The following RAB6B variants were observed in gnomAD, a reference collection of about 807,000 sequenced individuals.
RAB6B encodes the protein ras-related protein Rab-6B.
Under a neutral mutation model 31.2 loss-of-function variants are expected in RAB6B, and 7 were observed. The ratio of observed to expected loss-of-function variants is 0.22; its 90% CI spans 0.13 to 0.42. RAB6B has a LOEUF of 0.42. Among genes scored for constraint, RAB6B ranks in the 10% least tolerant of loss-of-function variants. The probability of loss-of-function intolerance (pLI) is 1.00; values close to 1 mark genes in which losing one functional copy is unlikely to be tolerated. For missense variants in RAB6B, 149 were observed against 280.6 expected (o/e 0.53, Z 3.35); for synonymous variants, 105 against 104.9 (o/e 1.00, Z -0.01).
chr3:133,876,826 A>C (rs1936403703), intron 1 of RAB6B, among the ~76,000 whole-genome samples: 1 of 152,212 alleles, frequency 6.6e-6, no homozygotes, highest in South Asian at 2.1e-4. Flanking sequence ...TCCCAGATGA[A>C]AATCAAGGCT....
chr3:133,836,263 G>T (rs1377658164), intron 6 of RAB6B, among the ~76,000 whole-genome samples: 6 of 152,190 alleles, frequency 3.9e-5, no homozygotes. Flanking sequence ...AGGGTAAAAG[G>T]GCCCAGGCCA....
chr3:133,864,205 CA>C (rs1428004396), intron 2 of RAB6B, among the ~76,000 whole-genome samples: 239 of 151,898 alleles, frequency 1.6e-3, no homozygotes, highest in African/African-American at 5.7e-3. Context: ...TCCCAGCAAA[CA>C]TAACCATTAC....
At chr3:133,847,341 T>A (rs1229494959) in intron 2 of RAB6B, among the ~76,000 whole-genome samples, 1 of 152,230 alleles carries the variant, frequency 6.6e-6, no homozygotes, top group African/African-American at 2.4e-5. Flanking sequence ...TCCAGCCTTA[T>A]CCCCACACGC....
At chr3:133,851,571 G>C (rs1935984835) in intron 2 of RAB6B, among the ~76,000 whole-genome samples, 1 of 152,226 alleles carries the variant, frequency 6.6e-6, no homozygotes. Context: ...GAGTGAGAAG[G>C]AAGGAGGACA....
At chr3:133,834,445 C>T (rs575868579) in intron 7 of RAB6B, 130 bp downstream of exon 7, 8 of 978,906 alleles carry the variant, frequency 8.2e-6, no homozygotes, top group East Asian at 2.4e-5. Context: ...GAGGAGGCCC[C>T]GTGCCATTCG....
At chr3:133,834,855 TGGAA>T (rs1418841153) in intron 6 of RAB6B, among the ~76,000 whole-genome samples, 2 of 152,074 alleles carry the variant, frequency 1.3e-5, no homozygotes, top group East Asian at 1.9e-4. Flanking sequence ...CAGTAGCTTG[TGGAA>T]GGAAGGAACA....
intron 1 of RAB6B, among the ~76,000 whole-genome samples, chr3:133,868,318 T>G (rs1936265941): frequency 6.6e-6 from 1 of 152,132 alleles, no homozygotes; most frequent in South Asian, 2.1e-4. Context: ...GCAGAACCCA[T>G]CCCGAGCCAC....
chr3:133,882,983 G>A lies in RAB6B; in HGVS notation c.70+12414C>T, dbSNP rs550920035. On this transcript the variant is annotated intron_variant, in intron 1 of 7. Transcript: ENST00000285208. ...CAGGGGATAATTTCCAGATCTTGGT[G>A]CCACAAGTAGGATTTGCTAATATCC... Among the ~76,000 whole-genome samples, 5 of 152,344 alleles carry A rather than the reference G, an allele frequency of 3.3e-5. No individual in the cohort carries two copies. The South Asian group carries it at 1.0e-3, about 32-fold the overall frequency.
chr3:133,841,695 C>G (rs761261606), intron 2 of RAB6B, 32 bp from the exon 3 acceptor site: 1 of 1,611,336 alleles, frequency 6.2e-7, no homozygotes, highest in Admixed American at 1.7e-5. Flanking sequence ...CGGTCAAAAT[C>G]AAAAGGTCTC....
At chr3:133,874,083 G>GTTT (rs1936360734) in intron 1 of RAB6B, among the ~76,000 whole-genome samples, 1 of 152,182 alleles carries the variant, frequency 6.6e-6, no homozygotes, top group Admixed American at 6.5e-5. Flanking sequence ...GCAGAGAAGA[G>GTTT]GTGAAAGAGG....
At chr3:133,838,114 G>A in intron 6 of RAB6B, 52 bp downstream of exon 6, 3 of 1,541,296 alleles carry the variant, frequency 1.9e-6, no homozygotes, top group African/African-American at 1.4e-5. Flanking sequence ...CTGACCACAG[G>A]GCTACACCGT....
intron 1 of RAB6B, among the ~76,000 whole-genome samples, chr3:133,871,536 A>G (rs1015289905): frequency 6.6e-6 from 1 of 152,222 alleles, no homozygotes; most frequent in Non-Finnish European, 1.5e-5. Context: ...AGTGGCTATG[A>G]GGACTTCTGG....
chr3:133,840,010 G>A (rs186104984), intron 4 of RAB6B, among the ~76,000 whole-genome samples: 36 of 152,148 alleles, frequency 2.4e-4, no homozygotes, highest in African/African-American at 6.0e-4. Flanking sequence ...ACACACATGC[G>A]CGCGCGACTT....
At chr3:133,872,734 G>A (rs73217253) in intron 1 of RAB6B, among the ~76,000 whole-genome samples, 7,940 of 152,302 alleles carry the variant, frequency 0.052, 269 homozygotes, top group South Asian at 0.14. Context: ...GGAAACACGT[G>A]AAAAACCCCA....
intron 2 of RAB6B, among the ~76,000 whole-genome samples, chr3:133,843,348 C>T (rs375490308): frequency 5.9e-5 from 9 of 152,334 alleles, no homozygotes; most frequent in African/African-American, 1.9e-4. Flanking sequence ...ACCACAGCTT[C>T]GCATAGTGTA....
chr3:133,834,577 C>A lies in RAB6B; in HGVS notation c.560G>T (p.Gly187Val). Residue 187 changes from glycine (G) to valine (V), a missense_variant and splice_region_variant, in exon 7 of 8, where the codon GGG becomes GTG. Physicochemically the swap from Gly to Val is moderately radical, Grantham distance 109 (BLOSUM62 -3). Around this residue, in one of 2 missense-constraint regions of RAB6B, gnomAD observed 74 missense variants for 100.5 expected, o/e 0.74. Transcript: ENST00000285208. The stretch of plus-strand genomic sequence containing the variant: ...CACTTGTCAAAGGAAAAGGATACTC[C>A]CTTCTTTGCTTTTCTCCTGGACATT... ...MENVQEKSKE[G>V]MIDIKLDKPQ... The A allele has an allele frequency of 6.2e-7, 1 of 1,612,132 alleles. No homozygotes were observed. The highest frequency in any genetic ancestry group is 8.5e-7 in the Non-Finnish European group (1 of 1,178,144).
intron 2 of RAB6B, among the ~76,000 whole-genome samples, chr3:133,852,259 G>A (rs918768809): frequency 1.3e-5 from 2 of 152,162 alleles, no homozygotes; most frequent in East Asian, 3.9e-4. Flanking sequence ...GGCCTAGGCT[G>A]CTTTGTCCAC....
At chr3:133,884,458 G>T (rs1279338186) in intron 1 of RAB6B, among the ~76,000 whole-genome samples, 2 of 152,208 alleles carry the variant, frequency 1.3e-5, no homozygotes, top group Admixed American at 6.5e-5. Flanking sequence ...GTTCTCCAAG[G>T]CATGGAAAGG....
At chr3:133,844,293 C>A (rs1293186303) in intron 2 of RAB6B, among the ~76,000 whole-genome samples, 3 of 152,232 alleles carry the variant, frequency 2.0e-5, no homozygotes, top group Non-Finnish European at 4.4e-5. Context: ...CTGAACAAGG[C>A]CAACATCCCA....
Sources: gnomAD v4.1 joint callset for allele counts (sites outside exome capture counted in the v4.1 genomes callset) on GRCh38, gnomAD v4.1.1 for gene constraint, gnomAD v4.1.1 regional missense constraint, MANE v1.5 for transcripts, NCBI Gene and HGNC (gene_info 2026-07-23, HGNC 2026-07-21) for gene names.